Variants in RACK1 observed in about 807,000 individuals in gnomAD.
RACK1 encodes small ribosomal subunit protein RACK1.
RACK1 carries 3 observed loss-of-function variants against 42.2 expected under a neutral mutation model. That is an observed-to-expected ratio of 0.07 (90% CI 0.03 to 0.18). The LOEUF (loss-of-function observed/expected upper bound fraction) is 0.18, where lower values mean the gene tolerates loss of function less well. Ranked by LOEUF, RACK1 falls within the 10% of genes least tolerant of loss-of-function variation. The probability of loss-of-function intolerance (pLI) is 1.00; values close to 1 mark genes in which losing one functional copy is unlikely to be tolerated. For synonymous variants in RACK1, 181 were observed against 154.8 expected (o/e 1.17, Z -1.25); for missense variants, 146 against 403.2 (o/e 0.36, Z 5.46).
intron 7 of RACK1, 164 bp downstream of exon 7, chr5:181,237,445 C>A: frequency 1.5e-6 from 1 of 668,946 alleles, no homozygotes; most frequent in Non-Finnish European, 2.7e-6. Context: ...TGCAGAAACA[C>A]ATTCACTGGC....
At chr5:181,239,429 A>G (rs767580705) in intron 4 of RACK1, 58 bp downstream of exon 4, 2 of 1,241,704 alleles carry the variant, frequency 1.6e-6, no homozygotes, top group Non-Finnish European at 2.4e-6. Context: ...CTTGGAGTGT[A>G]TGACCACCTG....
rs757617206 is a variant in RACK1, at chr5:181,243,734, T to C, written c.67A>G (p.Thr23Ala). 2.5e-6 allele frequency: 4 copies of C among 1,609,928 alleles called. No individual in the cohort carries two copies. The highest frequency in any genetic ancestry group is 2.2e-5 in the South Asian group (2 of 90,084). The change falls in exon 1 of 8, where the codon ACT becomes GCT. Residue 23 changes from threonine to alanine, a missense_variant. Physicochemically the swap from Thr to Ala is moderately conservative, Grantham distance 58 (BLOSUM62 0). Coordinates refer to ENST00000512805, the MANE Select transcript of RACK1 (RefSeq NM_006098.5). ...GHNGWVTQIA[T>A]TPQFPDMILS... ...ATCATGTCCGGGAACTGCGGGGTAGTAGCGATCTGGGTTACCCAGCCGTTG... is the reference window on the plus strand; with the variant it reads ...ATCATGTCCGGGAACTGCGGGGTAGCAGCGATCTGGGTTACCCAGCCGTTG...
intron 7 of RACK1, 87 bp from the exon 8 acceptor site, chr5:181,237,129 T>C: frequency 6.3e-7 from 1 of 1,583,838 alleles, no homozygotes; most frequent in Non-Finnish European, 8.6e-7. Flanking sequence ...TTTTTTGAGA[T>C]CCGTCCACCT....
At chr5:181,237,125 G>C in intron 7 of RACK1, 83 bp from the exon 8 acceptor site, 1 of 1,586,168 alleles carries the variant, frequency 6.3e-7, no homozygotes, top group Non-Finnish European at 8.6e-7. Context: ...GGCTTTTTTT[G>C]AGATCCGTCC....
intron 1 of RACK1, chr5:181,243,350 C>G (rs1451164228): frequency 1.1e-5 from 15 of 1,379,570 alleles, no homozygotes; most frequent in Non-Finnish European, 1.3e-5. Context: ...CACCGACACT[C>G]AGATGGCATG....
intron 6 of RACK1, 75 bp from the exon 7 acceptor site, chr5:181,237,794 T>C: frequency 2.2e-6 from 2 of 900,278 alleles, no homozygotes; most frequent in Non-Finnish European, 3.7e-6. Flanking sequence ...CTCAAGATTC[T>C]CAAGTTAAAA....
At chr5:181,238,798 C>CA (rs547878281) in intron 5 of RACK1, 13,522 of 309,834 alleles carry the variant, frequency 0.044, 145 homozygotes, top group African/African-American at 0.097. Context: ...GACTCCGTCT[C>CA]AAAAAAAAAA....
chr5:181,243,123 G>C, intron 1 of RACK1: 1 of 519,852 alleles, frequency 1.9e-6, no homozygotes, highest in East Asian at 7.0e-5. Flanking sequence ...TTAACAGCCA[G>C]ACATGATTCA....
chr5:181,238,333 T>G (rs1334522243), intron 5 of RACK1, 94 bp from the exon 6 acceptor site: 1 of 1,298,908 alleles, frequency 7.7e-7, no homozygotes, highest in Non-Finnish European at 1.1e-6. Flanking sequence ...TTCTTACCTT[T>G]CCTCCATTAC....
intron 1 of RACK1, chr5:181,242,812 G>C (rs1176404444): frequency 4.2e-5 from 14 of 332,122 alleles, no homozygotes; most frequent in Non-Finnish European, 8.2e-5. Flanking sequence ...ACTCGCCTCT[G>C]CCTTCCAAAG....
At chr5:181,240,668 C>T (rs988753223) in intron 3 of RACK1, among the ~76,000 whole-genome samples, 5 of 151,838 alleles carry the variant, frequency 3.3e-5, no homozygotes, top group African/African-American at 1.2e-4. Context: ...TGCGATCTAG[C>T]CCAGAATCCA....
chr5:181,237,844 T>G, intron 6 of RACK1, 125 bp from the exon 7 acceptor site: 1 of 677,604 alleles, frequency 1.5e-6, no homozygotes, highest in Non-Finnish European at 2.6e-6. Flanking sequence ...TATCAATGCC[T>G]ACATGCATTT....
intron 5 of RACK1, 141 bp downstream of exon 5, chr5:181,238,924 CAT>C (rs760875529): frequency 3.2e-5 from 24 of 743,474 alleles, no homozygotes; most frequent in Admixed American, 5.5e-5. Context: ...TCTTTGGAAA[CAT>C]ATTCTCAGAT....
rs761851164 is a variant in RACK1 at position 181,238,166 on chromosome 5, TTGA to T, written c.707_709del (p.Ile236del). The T allele has an allele frequency of 1.5e-5, 25 of 1,614,006 alleles. No homozygotes were observed. The highest frequency in any genetic ancestry group is 4.0e-5 in the African/African-American group (3 of 74,906). ...GCGGTTAGGGCTGAAGCACAGGGCG[TTGA>T]TGATGTCCCCACCATCTAGCGTGTA... On this transcript the variant is annotated inframe_deletion, in exon 6 of 8. Coordinates refer to ENST00000512805, the MANE Select transcript of RACK1 (RefSeq NM_006098.5).
rs763524329 is a variant in RACK1 at position 181,238,210 on chromosome 5, G to A, written c.666C>T (p.Asn222=). Residue 222 remains asparagine, a synonymous_variant, in exon 6 of 8, where the codon AAC becomes AAT. Coordinates refer to ENST00000512805, the MANE Select transcript of RACK1 (RefSeq NM_006098.5). ...CTAGCGTGTAAAGGTGTTTGCCTTC[G>A]TTGAGATCCCATAACATGGCCTGGC... is the stretch of plus-strand genomic sequence containing the variant. ...KDGQAMLWDL[N]EGKHLYTLDG... The A allele has an allele frequency of 8.1e-6, 13 of 1,613,914 alleles. No homozygotes were observed. The highest frequency in any genetic ancestry group is 1.3e-5 in the African/African-American group (1 of 74,866).
chr5:181,242,838 C>T (rs1223616468), intron 1 of RACK1: 6 of 328,552 alleles, frequency 1.8e-5, no homozygotes, highest in South Asian at 1.4e-4. Flanking sequence ...GGATTATAGG[C>T]GTGAGCCACC....
chr5:181,240,797 G>A (rs754228230), intron 3 of RACK1, among the ~76,000 whole-genome samples: 18 of 152,190 alleles, frequency 1.2e-4, no homozygotes, highest in Non-Finnish European at 2.6e-4. Flanking sequence ...CAGAGAGCTA[G>A]GATTACAGGC....
At chr5:181,242,470 T>C in intron 1 of RACK1, 125 bp from the exon 2 acceptor site, 1 of 689,992 alleles carries the variant, frequency 1.4e-6, no homozygotes, top group East Asian at 2.7e-5. Context: ...TAAGGAGGGA[T>C]GGAAACAACA....
At chr5:181,237,264 C>G (rs779388504) in intron 7 of RACK1, 2 of 831,186 alleles carry the variant, frequency 2.4e-6, no homozygotes, top group Non-Finnish European at 4.0e-6. Context: ...GCCGGGTAGA[C>G]TGTAAGAAAC....
Sources: gnomAD v4.1 joint callset for allele counts (sites outside exome capture counted in the v4.1 genomes callset) on GRCh38, gnomAD v4.1.1 for gene constraint, MANE v1.5 for transcripts, NCBI Gene and HGNC (gene_info 2026-07-23, HGNC 2026-07-21) for gene names.